TMTC3: variants seen among roughly 807,000 people sequenced by gnomAD.
The protein encoded by TMTC3 is transmembrane O-mannosyltransferase targeting cadherins 3.
In TMTC3, 52 loss-of-function variants were observed where a neutral mutation model predicts 92.2. The ratio of observed to expected loss-of-function variants is 0.56; its 90% CI spans 0.45 to 0.71. The LOEUF (loss-of-function observed/expected upper bound fraction) is 0.71. Among genes scored for constraint, TMTC3 ranks in the 30% least tolerant of loss-of-function variants. TMTC3 has a pLI of 0.00. For synonymous variants in TMTC3, 339 were observed against 363.3 expected (o/e 0.93, Z 0.76); for missense variants, 896 against 1,057.1 (o/e 0.85, Z 2.11).
intron 10 of TMTC3, among the ~76,000 whole-genome samples, chr12:88,183,360 G>T (rs1390278320): frequency 3.9e-5 from 6 of 152,154 alleles, no homozygotes; most frequent in Non-Finnish European, 7.3e-5. Flanking sequence ...AAAGTAATGA[G>T]TTCATATACC....
At position 88,146,615 on chromosome 12, in the gene TMTC3, A is replaced by G. The variant is rs147467808; in HGVS notation, c.-28-1673A>G. 8.6e-3 allele frequency among the ~76,000 whole-genome samples: 1,272 copies of G among 147,344 alleles called. 20 individuals carry two copies. Among genetic ancestry groups the G allele is most frequent in the African/African-American group, 0.03 (1,220 of 40,374 alleles). ...TTTGTGTGTGTGTGTGTGTGTGTAT[A>G]TATATATATACATATATATGTATAT... On this transcript the variant is annotated intron_variant, in intron 1 of 13. Coordinates refer to ENST00000266712, the MANE Select transcript of TMTC3 (RefSeq NM_181783.4).
At chr12:88,186,180 C>T (rs185168800) in intron 10 of TMTC3, among the ~76,000 whole-genome samples, 141 of 152,246 alleles carry the variant, frequency 9.3e-4, no homozygotes, top group Non-Finnish European at 1.6e-3. Context: ...AGCCACATCA[C>T]ATTTGCATCC....
At chr12:88,184,391 C>G (rs1441661292) in intron 10 of TMTC3, among the ~76,000 whole-genome samples, 2 of 152,232 alleles carry the variant, frequency 1.3e-5, no homozygotes, top group Non-Finnish European at 2.9e-5. Context: ...TCTTTTCTCT[C>G]AGACTCCTGA....
intron 13 of TMTC3, among the ~76,000 whole-genome samples, chr12:88,193,663 C>T (rs3922672): frequency 0.23 from 34,278 of 152,046 alleles, 9,331 homozygotes; most frequent in African/African-American, 0.66. Context: ...TAACCCAAGA[C>T]AAGAACTGAA....
At chr12:88,160,021 A>G (rs1459728520) in intron 4 of TMTC3, 93 bp from the exon 5 acceptor site, 2 of 766,964 alleles carry the variant, frequency 2.6e-6, no homozygotes, top group Non-Finnish European at 4.2e-6. Context: ...AATAGCACTC[A>G]TATGGATATG....
At chr12:88,178,626 T>C (rs1445996204) in intron 10 of TMTC3, among the ~76,000 whole-genome samples, 5 of 150,662 alleles carry the variant, frequency 3.3e-5, no homozygotes, top group Non-Finnish European at 5.9e-5. Flanking sequence ...TTCATTTTTG[T>C]ACCCCTGCAT....
chr12:88,150,376 A>G (rs1401347259), intron 2 of TMTC3, among the ~76,000 whole-genome samples: 1 of 152,146 alleles, frequency 6.6e-6, no homozygotes, highest in Non-Finnish European at 1.5e-5. Context: ...ATCATTTCCC[A>G]CCAGGCCCCA....
chr12:88,170,768 A>G (rs187439031), intron 7 of TMTC3, among the ~76,000 whole-genome samples: 190 of 152,340 alleles, frequency 1.2e-3, no homozygotes, highest in Non-Finnish European at 2.3e-3. Flanking sequence ...GGGTAACAAA[A>G]TATGGAAGCA....
At chr12:88,161,922 A>G (rs1051220496) in intron 6 of TMTC3, among the ~76,000 whole-genome samples, 4 of 151,922 alleles carry the variant, frequency 2.6e-5, no homozygotes, top group Non-Finnish European at 5.9e-5. Flanking sequence ...ATTGCTTTAA[A>G]CAATTGTCTT....
At position 88,196,878 on chromosome 12, in the gene TMTC3, A is replaced by G. The variant is rs1489435375; in HGVS notation, c.*1229A>G. ...ATAATTAGCCTACTATAGTATTAAT[A>G]AATTTTTCAGTTGGTTTGGGCAAAT... On this transcript the variant is annotated 3_prime_UTR_variant, in exon 14 of 14. Transcript: ENST00000266712. 6.6e-6 allele frequency: 1 copy of G among 151,852 alleles called. No homozygotes were observed. The highest frequency in any genetic ancestry group is 1.9e-4 in the East Asian group (1 of 5,196). 9.4% of individuals were successfully genotyped at this position (151,852 alleles called of 1,614,324 possible). A position where few individuals can be genotyped will look rare whatever the true frequency, so the allele number is the denominator to read the frequency against.
chr12:88,184,200 T>G (rs1213808563), intron 10 of TMTC3, among the ~76,000 whole-genome samples: 1 of 151,984 alleles, frequency 6.6e-6, no homozygotes, highest in East Asian at 1.9e-4. Flanking sequence ...CCAGCCCTGC[T>G]AGCATTTATT....
intron 6 of TMTC3, among the ~76,000 whole-genome samples, chr12:88,162,838 T>C (rs1455336780): frequency 6.6e-6 from 1 of 152,134 alleles, no homozygotes; most frequent in Non-Finnish European, 1.5e-5. Flanking sequence ...ATGTATTCTA[T>C]AAATTTTGAG....
chr12:88,152,982 C>A (rs562759999), intron 2 of TMTC3, among the ~76,000 whole-genome samples: 2 of 152,004 alleles, frequency 1.3e-5, no homozygotes, highest in Non-Finnish European at 2.9e-5. Flanking sequence ...TGACCAATGC[C>A]GGCATTGTCT....
At chr12:88,155,472 ATTACCT>A (rs1359609645) in intron 4 of TMTC3, among the ~76,000 whole-genome samples, 1 of 152,120 alleles carries the variant, frequency 6.6e-6, no homozygotes, top group Non-Finnish European at 1.5e-5. Flanking sequence ...CAGGCTCTCA[ATTACCT>A]GTCTAATCAT....
At position 88,160,696 on chromosome 12, in the gene TMTC3, A is replaced by G. The variant is rs767265776; in HGVS notation, c.642A>G (p.Leu214=). 21 of 1,613,118 alleles carry G rather than the reference A, an allele frequency of 1.3e-5. No individual in the cohort carries two copies. The highest frequency in any genetic ancestry group is 2.2e-5 in the East Asian group (1 of 44,770). The change falls in exon 6 of 14, where the codon CTA becomes CTG. Residue 214 remains leucine, a synonymous_variant. Transcript: ENST00000266712. The part of the protein sequence containing the change: ...FIAQGYTLPL[L]CTTAGQFLRG... ...TTTTTCAGTATACTTTGCCATTACT[A>G]TGTACTACTGCTGGACAGTTTCTCC...
rs2138455048 is a variant in TMTC3 at position 88,197,412 on chromosome 12, G to A, written c.*1763G>A. The A allele has an allele frequency of 6.6e-6, 1 of 152,114 alleles. No homozygotes were observed. Among genetic ancestry groups the A allele is most frequent in the South Asian group, 2.1e-4 (1 of 4,806 alleles). The allele number at this position is 152,114 out of a possible 1,614,324, so 9.4% of individuals were successfully genotyped here. ...GGCTTGTGACTCCAGATAAAAGATGGAGAATACCTCATGTACTGTGACTTG... is the reference window on the plus strand; with the variant it reads ...GGCTTGTGACTCCAGATAAAAGATGAAGAATACCTCATGTACTGTGACTTG... On this transcript the variant is annotated 3_prime_UTR_variant, in exon 14 of 14. Coordinates refer to ENST00000266712, the MANE Select transcript of TMTC3 (RefSeq NM_181783.4).
chr12:88,183,940 A>C (rs568212632), intron 10 of TMTC3, among the ~76,000 whole-genome samples: 113 of 152,236 alleles, frequency 7.4e-4, no homozygotes, highest in African/African-American at 2.7e-3. Context: ...TGGAAATCCC[A>C]AGCGGGCACC....
At chr12:88,171,646 T>G (rs1366447628) in intron 7 of TMTC3, among the ~76,000 whole-genome samples, 1 of 152,140 alleles carries the variant, frequency 6.6e-6, no homozygotes. Flanking sequence ...TATTGTAAAT[T>G]GAATAATGCT....
intron 7 of TMTC3, 119 bp from the exon 8 acceptor site, chr12:88,172,478 A>C (rs979127043): frequency 2.1e-6 from 1 of 479,332 alleles, no homozygotes; most frequent in African/African-American, 2.0e-5. Flanking sequence ...GCAGTACACT[A>C]TCCAGGTTAA....
Sources: gnomAD v4.1 joint callset for allele counts (sites outside exome capture counted in the v4.1 genomes callset) on GRCh38, gnomAD v4.1.1 for gene constraint, MANE v1.5 for transcripts, NCBI Gene and HGNC (gene_info 2026-07-23, HGNC 2026-07-21) for gene names.